The following TPPP variants were observed in gnomAD, a reference collection of about 807,000 sequenced individuals.
The protein encoded by TPPP is tubulin polymerization-promoting protein.
Under a neutral mutation model 15.5 loss-of-function variants are expected in TPPP, and 6 were observed. That is an observed-to-expected ratio of 0.39 (90% confidence interval 0.21 to 0.77). The LOEUF (loss-of-function observed/expected upper bound fraction) is 0.77. Among genes scored for constraint, TPPP ranks in the 30% least tolerant of loss-of-function variants. The pLI is 0.42. For synonymous variants in TPPP, 146 were observed against 133.9 expected, an observed-to-expected ratio of 1.09 and a Z score of -0.63; for missense variants, 269 against 307.2, an observed-to-expected ratio of 0.88 and a Z score of 0.93.
intron 2 of TPPP, among the ~76,000 whole-genome samples, chr5:668,425 C>T (rs11749840): frequency 0.054 from 4,888 of 91,340 alleles, 591 homozygotes; most frequent in African/African-American, 0.15. Context: ...GAGGGGGCCG[C>T]GTGGGCGCCG....
At position 665,302 on chromosome 5, in the gene TPPP, A is replaced by C. The variant is rs768693619; in HGVS notation, c.466-6T>G. ...GTGGGCGACGAGATGGCTTTCTGCAAGAGGAGCAGGAGGAAGGGGGCAGGT... is the reference window on the plus strand; with the variant it reads ...GTGGGCGACGAGATGGCTTTCTGCACGAGGAGCAGGAGGAAGGGGGCAGGT... On this transcript the variant is annotated splice_polypyrimidine_tract_variant and splice_region_variant and intron_variant, in intron 3 of 3. Coordinates refer to ENST00000360578, the MANE Select transcript of TPPP (RefSeq NM_007030.3). 24 of 1,610,674 alleles carry C rather than the reference A, an allele frequency of 1.5e-5. No individual in the cohort carries two copies. In the African/African-American group the frequency reaches 2.8e-4, roughly 19 times the overall value.
At chr5:674,186 C>T (rs547596852) in intron 2 of TPPP, among the ~76,000 whole-genome samples, 499 of 152,342 alleles carry the variant, frequency 3.3e-3, no homozygotes, top group Non-Finnish European at 4.4e-3. Context: ...CGGGTCTGCT[C>T]CTGTGTATCC....
In TPPP at chr5:670,021, G is replaced by A. The variant is rs1031386326; in HGVS notation, c.312-3898C>T. Among the ~76,000 whole-genome samples, 11 of 152,312 alleles carry A rather than the reference G, an allele frequency of 7.2e-5. No homozygotes were observed. In the East Asian group the frequency reaches 9.7e-4, roughly 13 times the overall value. On this transcript the variant is annotated intron_variant, in intron 2 of 3. Coordinates refer to ENST00000360578, the MANE Select transcript of TPPP (RefSeq NM_007030.3). Reference sequence around the variant, plus strand: ...TGCCCCAAAGCCGGCCCAGCAGGACGCAGCCGCTGCTCATACACGATGCCC... The same window carrying A: ...TGCCCCAAAGCCGGCCCAGCAGGACACAGCCGCTGCTCATACACGATGCCC...
intron 2 of TPPP, among the ~76,000 whole-genome samples, chr5:676,878 GCA>G (rs1373599627): frequency 1.8e-4 from 25 of 141,770 alleles, no homozygotes; most frequent in African/African-American, 6.5e-4. Context: ...GCAGAAACAT[GCA>G]CACACGACGC....
intron 1 of TPPP, among the ~76,000 whole-genome samples, chr5:685,332 A>G (rs1466054272): frequency 3.3e-5 from 5 of 152,194 alleles, no homozygotes; most frequent in African/African-American, 9.7e-5. Flanking sequence ...TGGGAGGAGG[A>G]GGGCAGGGTG....
chr5:671,023 A>G (rs1740202041), intron 2 of TPPP, among the ~76,000 whole-genome samples: 2 of 151,740 alleles, frequency 1.3e-5, no homozygotes, highest in Admixed American at 6.6e-5. Flanking sequence ...GCTGAGGGCC[A>G]GGGCCCTCCC....
chr5:679,426 G>T (rs1332951348), intron 1 of TPPP, among the ~76,000 whole-genome samples: 248 of 108,844 alleles, frequency 2.3e-3, no homozygotes, highest in African/African-American at 8.6e-3. Context: ...TGGAAGGGCC[G>T]CCTGGGGGCA....
chr5:670,319 A>G (rs1343504535), intron 2 of TPPP, among the ~76,000 whole-genome samples: 1 of 152,046 alleles, frequency 6.6e-6, no homozygotes, highest in Non-Finnish European at 1.5e-5. Context: ...GACAGCTACC[A>G]GCTCCCCTGG....
chr5:676,910 T>C (rs441554), intron 2 of TPPP, among the ~76,000 whole-genome samples: 81,776 of 130,676 alleles, frequency 0.63, 23,501 homozygotes, highest in African/African-American at 0.79. Flanking sequence ...CACGCGCGCA[T>C]ACACGACGCA....
Position 678,034 on chromosome 5 carries a change from T to C in TPPP, c.27A>G (p.Lys9=). ...ACTTGGGGGGCGTCCTGTTGGCAGC[T>C]TTGGCAGGCTTGGCCTTGTCAGCCA... MADKAKPA[K]AANRTPPKSP... The change falls in exon 2 of 4, where the codon AAA becomes AAG. Residue 9 remains lysine, a synonymous_variant. Transcript: ENST00000360578. 5 of 1,587,274 alleles carry C rather than the reference T, an allele frequency of 3.2e-6. No homozygotes were observed. Among genetic ancestry groups the C allele is most frequent in the Non-Finnish European group, 4.3e-6 (5 of 1,167,214 alleles).
rs1383038767 is a variant in TPPP, at chr5:661,246, C to CA, written c.*3855dup. 1 of 151,362 alleles carries CA rather than the reference C, an allele frequency of 6.6e-6. No homozygotes were observed. Among genetic ancestry groups the CA allele is most frequent in the African/African-American group, 2.4e-5 (1 of 40,848 alleles). 9.4% of individuals were successfully genotyped at this position (151,362 alleles called of 1,614,324 possible). A position where few individuals can be genotyped will look rare whatever the true frequency, so the allele number is the denominator to read the frequency against. ...AGAACCTGTCCCTCTCTCCTGGTGTCACCCCTGACAGAACCTGTCCCTCTC... is the reference window on the plus strand; with the variant it reads ...AGAACCTGTCCCTCTCTCCTGGTGTCAACCCCTGACAGAACCTGTCCCTCTC... On this transcript the variant is annotated 3_prime_UTR_variant, in exon 4 of 4. Transcript: ENST00000360578.
chr5:677,831 G>C lies in TPPP; in HGVS notation c.230C>G (p.Ser77Trp), dbSNP rs750587089. The C allele has an allele frequency of 1.9e-6, 3 of 1,612,216 alleles. No individual in the cohort carries two copies. Among genetic ancestry groups the C allele is most frequent in the Admixed American group, 1.7e-5 (1 of 59,922 alleles). ...TGREMHGKNW[S>W]KLCKDCQVID... ...CACCTGGCAGTCCTTGCACAGCTTC[G>C]ACCAGTTCTTGCCGTGCATCTCCCT... Residue 77 changes from serine (S) to tryptophan (W), a missense_variant, in exon 2 of 4, where the codon TCG (serine) becomes TGG (tryptophan). Ser to Trp is a radical substitution (Grantham distance 177). Transcript: ENST00000360578.
chr5:670,213 C>T (rs1740164691), intron 2 of TPPP, among the ~76,000 whole-genome samples: 1 of 152,144 alleles, frequency 6.6e-6, no homozygotes, highest in Non-Finnish European at 1.5e-5. Flanking sequence ...CGTCACAGGC[C>T]CCGCTGGGCT....
intron 2 of TPPP, among the ~76,000 whole-genome samples, chr5:671,561 C>T (rs148812131): frequency 2.0e-5 from 3 of 152,220 alleles, no homozygotes; most frequent in South Asian, 2.1e-4. Context: ...ACTGGCCAAG[C>T]GCAGGAGACG....
chr5:676,056 G>A (rs946200947), intron 2 of TPPP: 1 of 152,218 alleles, frequency 6.6e-6, no homozygotes, highest in Non-Finnish European at 1.5e-5. Context: ...AGACGAACAG[G>A]ACTCGCTGGC....
rs1349219477 is a variant in TPPP at position 661,008 on chromosome 5, A to G, written c.*4094T>C. 6.6e-6 allele frequency: 1 copy of G among 152,276 alleles called. No homozygotes were observed. The highest frequency in any genetic ancestry group is 1.5e-5 in the Non-Finnish European group (1 of 68,054). The allele number at this position is 152,276 out of a possible 1,614,324, so 9.4% of individuals were successfully genotyped here. On this transcript the variant is annotated 3_prime_UTR_variant, in exon 4 of 4. Transcript: ENST00000360578. ...ATATATCTTCTACAATATTTTAAAC[A>G]TATAATTTGAACTTTAATTTTGGTA... is the stretch of plus-strand genomic sequence containing the variant.
chr5:699,179 A>G, the TPPP span, among the ~76,000 whole-genome samples: 1 of 152,172 alleles, frequency 6.6e-6, no homozygotes, highest in Non-Finnish European at 1.5e-5. Context: ...CAACTAGCCA[A>G]AGCAATCCAA....
At chr5:672,392 G>A (rs538833261) in intron 2 of TPPP, among the ~76,000 whole-genome samples, 45 of 152,354 alleles carry the variant, frequency 3.0e-4, no homozygotes, top group African/African-American at 9.9e-4. Context: ...TATAGGAAAC[G>A]TCAGTGCATT....
chr5:675,574 C>T (rs1276252481), intron 2 of TPPP, among the ~76,000 whole-genome samples: 7 of 120,132 alleles, frequency 5.8e-5, no homozygotes, highest in Non-Finnish European at 1.3e-4. Context: ...GCTGGGGGTG[C>T]GGTGTGGCCA....
Sources: gnomAD v4.1 joint callset for allele counts (sites outside exome capture counted in the v4.1 genomes callset) on GRCh38, gnomAD v4.1.1 for gene constraint, MANE v1.5 for transcripts, NCBI Gene and HGNC (gene_info 2026-07-23, HGNC 2026-07-21) for gene names.